The following ENTPD4 variants were observed in gnomAD, a reference collection of about 807,000 sequenced individuals.
The protein encoded by ENTPD4 is ectonucleoside triphosphate diphosphohydrolase 4.
Under a neutral mutation model 79.1 loss-of-function variants are expected in ENTPD4, and 60 were observed. The observed-to-expected ratio is 0.76, with a 90% CI of 0.62 to 0.94. The LOEUF (loss-of-function observed/expected upper bound fraction) is 0.94. ENTPD4 is among the 40% of genes least tolerant of loss of function. The pLI, the probability that ENTPD4 is intolerant of heterozygous loss-of-function variation, is 0.00. For missense variants in ENTPD4, 772 were observed against 775.1 expected (o/e 1.00, Z 0.05); for synonymous variants, 276 against 292.0 (o/e 0.95, Z 0.56).
chr8:23,429,212 C>A lies in ENTPD4; in HGVS notation c.*3714G>T, dbSNP rs1333230017. The A allele has an allele frequency of 4.1e-6, 4 of 985,060 alleles. No individual in the cohort carries two copies. The African/African-American group carries it at 7.0e-5, about 17-fold the overall frequency. The allele number at this position is 985,060 out of a possible 1,614,324, so 61.0% of individuals were successfully genotyped here. A position where few individuals can be genotyped will look rare whatever the true frequency, so the allele number is the denominator to read the frequency against. On this transcript the variant is annotated 3_prime_UTR_variant, in exon 13 of 13. Coordinates refer to ENST00000358689, the MANE Select transcript of ENTPD4 (RefSeq NM_004901.5). ...GATTTTTCAGTACCCAAGTGTGGCA[C>A]TGTAAGGCTGCCACATACAGCAAGT...
intron 4 of ENTPD4, 22 bp from the exon 5 acceptor site, chr8:23,444,628 G>A: frequency 1.2e-6 from 2 of 1,609,256 alleles, no homozygotes; most frequent in Non-Finnish European, 1.7e-6. Flanking sequence ...GGATACTTTA[G>A]TTAAGAAGCA....
In ENTPD4 at chr8:23,429,184, A is replaced by C; in HGVS notation, c.*3742T>G. Reference sequence around the variant, plus strand: ...CCATGGGATGATGAACTTTCGTTTTATTGATTTTTCAGTACCCAAGTGTGG... The same window carrying C: ...CCATGGGATGATGAACTTTCGTTTTCTTGATTTTTCAGTACCCAAGTGTGG... On this transcript the variant is annotated 3_prime_UTR_variant, in exon 13 of 13. Coordinates refer to ENST00000358689, the MANE Select transcript of ENTPD4 (RefSeq NM_004901.5). The C allele has an allele frequency of 1.0e-6, 1 of 985,468 alleles. No individual in the cohort carries two copies. Among genetic ancestry groups the C allele is most frequent in the Non-Finnish European group, 1.2e-6 (1 of 829,920 alleles). The allele number at this position is 985,468 out of a possible 1,614,324, so 61.0% of individuals were successfully genotyped here. A position where few individuals can be genotyped will look rare whatever the true frequency, so the allele number is the denominator to read the frequency against.
chr8:23,448,595 T>C, intron 3 of ENTPD4, 147 bp downstream of exon 3: 1 of 661,670 alleles, frequency 1.5e-6, no homozygotes, highest in Non-Finnish European at 2.6e-6. Flanking sequence ...ACCTTGATCG[T>C]GGATTTCCCA....
In ENTPD4 at chr8:23,431,921, A is replaced by G. The variant is rs1417487358; in HGVS notation, c.*1005T>C. The G allele has an allele frequency of 2.0e-6, 2 of 985,256 alleles. No homozygotes were observed. Among genetic ancestry groups the G allele is most frequent in the Non-Finnish European group, 2.4e-6 (2 of 829,920 alleles). The allele number at this position is 985,256 out of a possible 1,614,324, so 61.0% of individuals were successfully genotyped here. On this transcript the variant is annotated 3_prime_UTR_variant, in exon 13 of 13. Transcript: ENST00000358689. ...TCAGGAAAAGATAACAGTAACGAGGATTTTTCTAAATAAAATGTACCAGTA... is the reference window on the plus strand; with the variant it reads ...TCAGGAAAAGATAACAGTAACGAGGGTTTTTCTAAATAAAATGTACCAGTA...
At position 23,429,925 on chromosome 8, in the gene ENTPD4, TA is replaced by T. The variant is rs1800426285; in HGVS notation, c.*3000del. On this transcript the variant is annotated 3_prime_UTR_variant, in exon 13 of 13. Coordinates refer to ENST00000358689, the MANE Select transcript of ENTPD4 (RefSeq NM_004901.5). ...CTGAGAACATCCCCTGGAGGAGGTT[TA>T]AAAGTGAGAAGCCCATGATATGGCT... The T allele has an allele frequency of 4.1e-6, 4 of 985,348 alleles. No homozygotes were observed. In the African/African-American group the frequency reaches 5.2e-5, roughly 13 times the overall value. 61.0% of individuals were successfully genotyped at this position (985,348 alleles called of 1,614,324 possible). A position where few individuals can be genotyped will look rare whatever the true frequency, so the allele number is the denominator to read the frequency against.
chr8:23,443,798 G>T, intron 6 of ENTPD4, 52 bp downstream of exon 6: 1 of 1,051,382 alleles, frequency 9.5e-7, no homozygotes, highest in Non-Finnish European at 1.5e-6. Flanking sequence ...AAAATGGGGA[G>T]GATTTAAAGG....
intron 9 of ENTPD4, among the ~76,000 whole-genome samples, chr8:23,437,760 T>C (rs993016332): frequency 9.2e-5 from 14 of 152,234 alleles, no homozygotes; most frequent in African/African-American, 3.4e-4. Context: ...TAGAAGGATT[T>C]GGTATCAAAT....
rs368449020 is a variant in ENTPD4 at position 23,449,940 on chromosome 8, T to A, written c.-40A>T. The A allele has an allele frequency of 1.2e-5, 19 of 1,613,794 alleles. No individual in the cohort carries two copies. The highest frequency in any genetic ancestry group is 1.6e-5 in the Non-Finnish European group (19 of 1,179,806). ...AACAAGGCAATGCTCTGGGATTCAG[T>A]CCTTCTCACAAACAATTATAGAAAT... On this transcript the variant is annotated 5_prime_UTR_variant, in exon 2 of 13. Transcript: ENST00000358689.
intron 6 of ENTPD4, among the ~76,000 whole-genome samples, chr8:23,443,264 T>G (rs1010281243): frequency 3.3e-5 from 5 of 152,210 alleles, no homozygotes; most frequent in African/African-American, 1.2e-4. Flanking sequence ...GCTAACTGTG[T>G]AGCTCAATTG....
intron 10 of ENTPD4, among the ~76,000 whole-genome samples, chr8:23,436,108 G>C (rs1378999336): frequency 6.6e-6 from 1 of 152,180 alleles, no homozygotes; most frequent in Middle Eastern, 3.2e-3. Context: ...CTGGGGAACG[G>C]GCTCGGCATA....
At chr8:23,449,096 T>A (rs1800814045) in intron 2 of ENTPD4, among the ~76,000 whole-genome samples, 157 bp from the exon 3 acceptor site, 3 of 152,160 alleles carry the variant, frequency 2.0e-5, no homozygotes, top group Admixed American at 2.0e-4. Context: ...ACACAACAGC[T>A]ACAAACCCCT....
intron 1 of ENTPD4, among the ~76,000 whole-genome samples, chr8:23,453,115 CAT>C (rs1800894852): frequency 6.6e-6 from 1 of 152,142 alleles, no homozygotes; most frequent in Non-Finnish European, 1.5e-5. Flanking sequence ...GGAAATAAAA[CAT>C]ACACACAAAG....
chr8:23,441,755 G>T, intron 7 of ENTPD4, 32 bp from the exon 8 acceptor site: 2 of 1,607,642 alleles, frequency 1.2e-6, no homozygotes, highest in South Asian at 1.1e-5. Flanking sequence ...CACTGGAACA[G>T]AACTAATCCA....
chr8:23,447,379 G>T (rs1800779955), intron 4 of ENTPD4, among the ~76,000 whole-genome samples: 2 of 152,082 alleles, frequency 1.3e-5, no homozygotes, highest in African/African-American at 4.8e-5. Context: ...TTACTAAATA[G>T]GAAAAAACTC....
At chr8:23,450,947 T>C (rs368152028) in intron 1 of ENTPD4, among the ~76,000 whole-genome samples, 3 of 152,172 alleles carry the variant, frequency 2.0e-5, no homozygotes, top group African/African-American at 7.2e-5. Context: ...CCCACCAAGC[T>C]ACACAAATCG....
chr8:23,437,492 T>G (rs940961364), intron 9 of ENTPD4, among the ~76,000 whole-genome samples: 5 of 151,984 alleles, frequency 3.3e-5, no homozygotes, highest in African/African-American at 9.7e-5. Flanking sequence ...CAGAGTCCAG[T>G]TGGATAACCT....
In ENTPD4 at chr8:23,450,003, C is replaced by T; in HGVS notation, c.-97-6G>A. On this transcript the variant is annotated splice_region_variant and splice_polypyrimidine_tract_variant and intron_variant, in intron 1 of 12. Coordinates refer to ENST00000358689, the MANE Select transcript of ENTPD4 (RefSeq NM_004901.5). ...CTCACGGAGTTAGAGCCCTCCTGTT[C>T]CAGGAAGTGAGACAAATCACAAAGA... is the stretch of plus-strand genomic sequence containing the variant. The T allele has an allele frequency of 7.0e-7, 1 of 1,436,672 alleles. No individual in the cohort carries two copies. Among genetic ancestry groups the T allele is most frequent in the Non-Finnish European group, 9.8e-7 (1 of 1,020,530 alleles). 89.0% of individuals were successfully genotyped at this position (1,436,672 alleles called of 1,614,324 possible).
At chr8:23,441,894 T>C (rs1211837950) in intron 7 of ENTPD4, 113 bp downstream of exon 7, 3 of 1,134,862 alleles carry the variant, frequency 2.6e-6, no homozygotes, top group Non-Finnish European at 3.9e-6. Context: ...GCTCTCATTC[T>C]ACTCCTACAC....
chr8:23,441,524 A>C (rs1384927096), intron 8 of ENTPD4, 45 bp downstream of exon 8: 1 of 1,602,592 alleles, frequency 6.2e-7, no homozygotes, highest in Non-Finnish European at 8.5e-7. Context: ...ACACACGTTA[A>C]ATGAAAACCA....
Sources: allele counts gnomAD v4.1 joint callset (sites outside exome capture counted in the v4.1 genomes callset), GRCh38; gene constraint gnomAD v4.1.1; transcripts MANE v1.5; gene names NCBI Gene and HGNC (gene_info 2026-07-23, HGNC 2026-07-21).